P2RY12: variants seen among roughly 807,000 people sequenced by gnomAD.
P2RY12 encodes purinergic receptor P2Y12.
A neutral mutation model predicts 4.5 loss-of-function variants in P2RY12; 3 were observed. That is an observed-to-expected ratio of 0.67 (90% confidence interval 0.31 to 1.74). P2RY12 has a LOEUF of 1.74. P2RY12 is among the 40% of genes most tolerant of loss of function. The pLI is 0.09. For synonymous variants in P2RY12, 148 were observed against 154.1 expected (o/e 0.96, Z 0.29); for missense variants, 356 against 407.8 (o/e 0.87, Z 1.09).
At chr3:151,343,995 T>C (rs951756254) in intron 1 of P2RY12, among the ~76,000 whole-genome samples, 1 of 152,182 alleles carries the variant, frequency 6.6e-6, no homozygotes, top group African/African-American at 2.4e-5. Flanking sequence ...TGCATAGTCA[T>C]GTCTGCTAGC....
At chr3:151,373,100 C>A (rs1029164750) in intron 1 of P2RY12, among the ~76,000 whole-genome samples, 1 of 151,994 alleles carries the variant, frequency 6.6e-6, no homozygotes, top group Non-Finnish European at 1.5e-5. Context: ...ATAACATAAC[C>A]AAAATATAGC....
chr3:151,370,868 T>C (rs1163597571), intron 1 of P2RY12, among the ~76,000 whole-genome samples: 1 of 152,188 alleles, frequency 6.6e-6, no homozygotes, highest in East Asian at 1.9e-4. Flanking sequence ...ACTGGCCCCA[T>C]GATTTGTAGG....
chr3:151,379,557 G>T (rs572788163), intron 1 of P2RY12, among the ~76,000 whole-genome samples: 2 of 152,316 alleles, frequency 1.3e-5, no homozygotes, highest in African/African-American at 2.4e-5. Context: ...CACACTAGGG[G>T]TCGCCAGCAA....
rs564568226 is a variant in P2RY12, at chr3:151,337,962, G to T, written c.884C>A (p.Pro295Gln). ...CTTGCAAAGGAAAAAATAGATGAAC[G>T]GATCCAGGCATGCATTTAAGGAAGT... ...WLTSLNACLD[P>Q]FIYFFLCKSF... Residue 295 changes from proline (P) to glutamine (Q), a missense_variant, in exon 3 of 3, where the codon CCG becomes CAG. Physicochemically the swap from Pro to Gln is moderately conservative, Grantham distance 76. Coordinates refer to ENST00000302632, the MANE Select transcript of P2RY12 (RefSeq NM_022788.5). 1.2e-6 allele frequency: 2 copies of T among 1,613,938 alleles called. No homozygotes were observed. The highest frequency in any genetic ancestry group is 2.2e-5 in the East Asian group (1 of 44,882).
intron 1 of P2RY12, among the ~76,000 whole-genome samples, chr3:151,362,774 T>G (rs1236122652): frequency 1.3e-5 from 2 of 152,196 alleles, no homozygotes; most frequent in Admixed American, 6.6e-5. Flanking sequence ...TTAATGGTAT[T>G]AATAAAGTGT....
At chr3:151,370,073 A>G (rs1755991547) in intron 1 of P2RY12, among the ~76,000 whole-genome samples, 1 of 152,204 alleles carries the variant, frequency 6.6e-6, no homozygotes, top group Non-Finnish European at 1.5e-5. Flanking sequence ...TTATTGATAA[A>G]TCAATATTAA....
At chr3:151,360,920 C>A (rs186288450) in intron 1 of P2RY12, among the ~76,000 whole-genome samples, 1 of 152,092 alleles carries the variant, frequency 6.6e-6, no homozygotes, top group East Asian at 1.9e-4. Flanking sequence ...ATATGTTGTA[C>A]AGACAGTGCA....
chr3:151,357,390 A>C, intron 1 of P2RY12: 1 of 1,552,268 alleles, frequency 6.4e-7, no homozygotes, highest in South Asian at 1.2e-5. Context: ...GGTATATAGC[A>C]TGTCATTGTT....
At position 151,369,930 on chromosome 3, in the gene P2RY12, T is replaced by C. The variant is rs187096349; in HGVS notation, c.-180+14762A>G. 1.1e-4 allele frequency among the ~76,000 whole-genome samples: 17 copies of C among 152,314 alleles called. No homozygotes were observed. In the East Asian group the frequency reaches 3.3e-3, roughly 29 times the overall value. On this transcript the variant is annotated intron_variant, in intron 1 of 2. Coordinates refer to ENST00000302632, the MANE Select transcript of P2RY12 (RefSeq NM_022788.5). The stretch of plus-strand genomic sequence containing the variant: ...ATGTTTACATTTTATCCAGATTATA[T>C]TTCAGGAGCAGAACACCAGAAAATC...
intron 1 of P2RY12, chr3:151,349,955 C>T (rs1231775420): frequency 1.9e-6 from 2 of 1,071,778 alleles, no homozygotes; most frequent in Non-Finnish European, 2.6e-6. Context: ...GATGCCACCA[C>T]CGCAAGCCAG....
At chr3:151,380,434 TAA>T (rs1349977382) in intron 1 of P2RY12, among the ~76,000 whole-genome samples, 2 of 151,936 alleles carry the variant, frequency 1.3e-5, no homozygotes, top group Non-Finnish European at 2.9e-5. Flanking sequence ...CCGTCTGTAC[TAA>T]AAATACAAAA....
chr3:151,356,611 AG>A, intron 1 of P2RY12, among the ~76,000 whole-genome samples: 1 of 151,962 alleles, frequency 6.6e-6, no homozygotes, highest in Admixed American at 6.6e-5. Flanking sequence ...GAGAGTTTTG[AG>A]TGTTTCTTCT....
intron 1 of P2RY12, among the ~76,000 whole-genome samples, chr3:151,374,152 G>T (rs768586054): frequency 1.3e-5 from 2 of 152,090 alleles, no homozygotes; most frequent in Non-Finnish European, 2.9e-5. Context: ...TTAATTCTAT[G>T]ATACATCTGA....
chr3:151,369,499 G>A, intron 1 of P2RY12: 1 of 1,611,878 alleles, frequency 6.2e-7, no homozygotes, highest in African/African-American at 1.3e-5. Context: ...GCTCACAACA[G>A]CATTGAAGTG....
intron 1 of P2RY12, among the ~76,000 whole-genome samples, chr3:151,346,893 A>C (rs1255085586): frequency 6.6e-6 from 1 of 152,170 alleles, no homozygotes; most frequent in Non-Finnish European, 1.5e-5. Flanking sequence ...TGTAAATTCA[A>C]AAGTTCCCTG....
At chr3:151,380,040 G>A (rs772330526) in intron 1 of P2RY12, 2 of 959,748 alleles carry the variant, frequency 2.1e-6, no homozygotes, top group South Asian at 3.4e-5. Flanking sequence ...GTGAGGCAAA[G>A]AAATGAATGT....
intron 1 of P2RY12, chr3:151,377,190 T>C (rs1756954538): frequency 6.3e-7 from 1 of 1,597,552 alleles, no homozygotes; most frequent in African/African-American, 1.3e-5. Context: ...TATTTTTGTC[T>C]GTTGTTTTAT....
chr3:151,341,402 AT>A (rs574808205), intron 1 of P2RY12, among the ~76,000 whole-genome samples: 20 of 151,210 alleles, frequency 1.3e-4, no homozygotes, highest in South Asian at 6.3e-4. Context: ...AATATAAACA[AT>A]TTTTTTTTGT....
chr3:151,372,844 C>A, intron 1 of P2RY12: 1 of 1,151,034 alleles, frequency 8.7e-7, no homozygotes, highest in Non-Finnish European at 1.3e-6. Context: ...TTATAGGAAA[C>A]TTGTGCATAG....
Sources: allele counts gnomAD v4.1 joint callset (sites outside exome capture counted in the v4.1 genomes callset), GRCh38; gene constraint gnomAD v4.1.1; transcripts MANE v1.5; gene names NCBI Gene and HGNC (gene_info 2026-07-23, HGNC 2026-07-21).